The following NCOA5 variants were observed in gnomAD, a reference collection of about 807,000 sequenced individuals.
NCOA5 encodes nuclear receptor coactivator 5.
In NCOA5, 12 loss-of-function variants were observed where a neutral mutation model predicts 59.0. The observed-to-expected ratio is 0.20, with a 90% CI of 0.13 to 0.33. The LOEUF is 0.33. Ranked by LOEUF, NCOA5 falls within the 10% of genes least tolerant of loss-of-function variation. NCOA5 has a pLI of 1.00. For missense variants in NCOA5, 655 were observed against 766.6 expected (o/e 0.85, Z 1.72); for synonymous variants, 270 against 275.5 (o/e 0.98, Z 0.20).
intron 2 of NCOA5, among the ~76,000 whole-genome samples, chr20:46,076,284 T>A (rs2084937721): frequency 6.6e-6 from 1 of 152,340 alleles, no homozygotes; most frequent in South Asian, 2.1e-4. Context: ...TGTCAACTAT[T>A]GATACATTTG....
At chr20:46,071,052 T>G (rs1206075771) in intron 2 of NCOA5, among the ~76,000 whole-genome samples, 2 of 151,814 alleles carry the variant, frequency 1.3e-5, no homozygotes, top group Non-Finnish European at 2.9e-5. Flanking sequence ...GAACAATCTG[T>G]TTCTCTGTTT....
Position 46,062,043 on chromosome 20 carries a change from C to T in NCOA5, c.*257G>A, listed in dbSNP as rs2084770535. The T allele has an allele frequency of 2.9e-6, 1 of 347,912 alleles. No individual in the cohort carries two copies. Among genetic ancestry groups the T allele is most frequent in the Non-Finnish European group, 5.2e-6 (1 of 190,918 alleles). 21.6% of individuals were successfully genotyped at this position (347,912 alleles called of 1,614,324 possible). A position where few individuals can be genotyped will look rare whatever the true frequency, so the allele number is the denominator to read the frequency against. Reference sequence around the variant, plus strand: ...AAACCCCATCAAATACAAGCCCAGACACCTGTACTGCCCCCGGAGATATTT... The same window carrying T: ...AAACCCCATCAAATACAAGCCCAGATACCTGTACTGCCCCCGGAGATATTT... On this transcript the variant is annotated 3_prime_UTR_variant, in exon 8 of 8. Coordinates refer to ENST00000290231, the MANE Select transcript of NCOA5 (RefSeq NM_020967.3).
Position 46,070,489 on chromosome 20 carries a change from G to T in NCOA5, c.86C>A (p.Ser29Tyr). Residue 29 changes from serine to tyrosine, a missense_variant, in exon 3 of 8, where the codon TCC becomes TAC. This residue lies in a region of NCOA5 where 250 missense variants were observed against 260.1 expected (regional missense o/e 0.96). Transcript: ENST00000290231. ...TCTCCTTGGACTTCCTCGAATTGGGGATCGATCACGCCTTGAATCTCGACT... is the reference window on the plus strand; with the variant it reads ...TCTCCTTGGACTTCCTCGAATTGGGTATCGATCACGCCTTGAATCTCGACT... ...GDSRDSRRDRSPIRGSPRREP... is the reference protein window; with the variant it reads ...GDSRDSRRDRYPIRGSPRREP... 6.2e-7 allele frequency: 1 copy of T among 1,614,016 alleles called. No homozygotes were observed. Among genetic ancestry groups the T allele is most frequent in the East Asian group, 2.2e-5 (1 of 44,878 alleles).
intron 2 of NCOA5, among the ~76,000 whole-genome samples, chr20:46,078,650 G>A (rs371994422): frequency 2.4e-4 from 36 of 148,782 alleles, no homozygotes; most frequent in African/African-American, 9.4e-4. Flanking sequence ...GTGCTGTTAT[G>A]GGGCCAGAAC....
chr20:46,088,690 A>G (rs2085068031), intron 1 of NCOA5, among the ~76,000 whole-genome samples: 1 of 152,238 alleles, frequency 6.6e-6, no homozygotes, highest in African/African-American at 2.4e-5. Context: ...TAAGTCAACA[A>G]AGAGAACAGT....
rs2145523272 is a variant in NCOA5 at position 46,065,187 on chromosome 20, C to G, written c.671G>C (p.Gly224Ala). Residue 224 changes from glycine to alanine, a missense_variant, in exon 6 of 8, where the codon GGC (glycine) becomes GCC (alanine). Physicochemically the swap from Gly to Ala is moderately conservative, Grantham distance 60. Coordinates refer to ENST00000290231, the MANE Select transcript of NCOA5 (RefSeq NM_020967.3). ...ESVGRKVRDL[G>A]MVVDLIFLNT... is the part of the protein sequence containing the mutation. ...AAGGAAGATCAAGTCCACTACCATG[C>G]CCAGGTCTCGCACCTTCCGCCCCAC... 1 of 1,614,168 alleles carries G rather than the reference C, an allele frequency of 6.2e-7. No individual in the cohort carries two copies. The highest frequency in any genetic ancestry group is 1.7e-5 in the Admixed American group (1 of 60,018).
intron 5 of NCOA5, among the ~76,000 whole-genome samples, chr20:46,066,380 A>G (rs2084823462): frequency 6.6e-6 from 1 of 152,228 alleles, no homozygotes; most frequent in Non-Finnish European, 1.5e-5. Context: ...TGACAAATGC[A>G]GAGGCGTGTC....
At chr20:46,069,343 T>C (rs1449727538) in intron 3 of NCOA5, among the ~76,000 whole-genome samples, 1 of 152,238 alleles carries the variant, frequency 6.6e-6, no homozygotes. Context: ...GTCTGGCTTA[T>C]TTCACTTAGC....
intron 2 of NCOA5, among the ~76,000 whole-genome samples, chr20:46,074,241 A>G (rs1247412892): frequency 4.6e-5 from 7 of 152,190 alleles, no homozygotes; most frequent in Non-Finnish European, 1.0e-4. Context: ...TCAAAACAAG[A>G]CTACAGCTAA....
intron 5 of NCOA5, among the ~76,000 whole-genome samples, chr20:46,065,698 T>C (rs1263894566): frequency 1.3e-5 from 2 of 152,230 alleles, no homozygotes; most frequent in Non-Finnish European, 2.9e-5. Context: ...AGGAGTAACA[T>C]GGCTCAGTTC....
chr20:46,066,105 G>A (rs1007125959), intron 5 of NCOA5, among the ~76,000 whole-genome samples: 5 of 152,064 alleles, frequency 3.3e-5, no homozygotes, highest in Non-Finnish European at 5.9e-5. Flanking sequence ...TATTTCCCTA[G>A]TCACTGCCTT....
At chr20:46,064,205 T>A (rs1056549401) in intron 6 of NCOA5, among the ~76,000 whole-genome samples, 2 of 152,248 alleles carry the variant, frequency 1.3e-5, no homozygotes, top group African/African-American at 4.8e-5. Context: ...TACTGGGTAG[T>A]GAGAGGACTC....
At chr20:46,080,595 T>C (rs1356135369) in intron 1 of NCOA5, among the ~76,000 whole-genome samples, 5 of 152,168 alleles carry the variant, frequency 3.3e-5, no homozygotes, top group African/African-American at 7.2e-5. Flanking sequence ...AGAGGTCTGG[T>C]AGAGATTTTA....
At chr20:46,063,928 C>T (rs2084794837) in intron 6 of NCOA5, among the ~76,000 whole-genome samples, 1 of 152,040 alleles carries the variant, frequency 6.6e-6, no homozygotes, top group African/African-American at 2.4e-5. Context: ...TCCTAGATCA[C>T]AGACTTGTAG....
At chr20:46,072,960 T>C (rs1251126775) in intron 2 of NCOA5, among the ~76,000 whole-genome samples, 1 of 152,252 alleles carries the variant, frequency 6.6e-6, no homozygotes, top group Non-Finnish European at 1.5e-5. Flanking sequence ...TCTATATGTA[T>C]GTTGAATGAA....
intron 2 of NCOA5, among the ~76,000 whole-genome samples, chr20:46,073,608 T>G (rs779673391): frequency 1.3e-5 from 2 of 152,206 alleles, no homozygotes; most frequent in Non-Finnish European, 2.9e-5. Flanking sequence ...AAGTAGTCAT[T>G]AGAGGTGGAA....
rs186655029 is a variant in NCOA5 at position 46,069,906 on chromosome 20, T to C, written c.365+304A>G. On this transcript the variant is annotated intron_variant, in intron 3 of 7. Coordinates refer to ENST00000290231, the MANE Select transcript of NCOA5 (RefSeq NM_020967.3). Reference sequence around the variant, plus strand: ...GATAGATCATATGGTAATTCTATGTTTAACTTTTTAAGGAACTGCCAAACT... The same window carrying C: ...GATAGATCATATGGTAATTCTATGTCTAACTTTTTAAGGAACTGCCAAACT... 7.2e-5 allele frequency among the ~76,000 whole-genome samples: 11 copies of C among 152,314 alleles called. No individual in the cohort carries two copies. In the East Asian group the frequency reaches 1.9e-3, roughly 27 times the overall value.
rs2084968414 is a variant in NCOA5 at position 46,079,290 on chromosome 20, T to C, written c.38+97A>G. ...TTATTGTTTGCTTGAGCGTTTCACT[T>C]GTTGGGGGGAAGAAAAGACCTTTGG... On this transcript the variant is annotated intron_variant, in intron 2 of 7. Transcript: ENST00000290231. 8 of 1,173,688 alleles carry C rather than the reference T, an allele frequency of 6.8e-6. No homozygotes were observed. The Admixed American group carries it at 1.2e-4, about 18-fold the overall frequency. 72.7% of individuals were successfully genotyped at this position (1,173,688 alleles called of 1,614,324 possible).
intron 1 of NCOA5, among the ~76,000 whole-genome samples, chr20:46,080,824 AT>A (rs2084984774): frequency 6.6e-6 from 1 of 152,072 alleles, no homozygotes; most frequent in Admixed American, 6.5e-5. Context: ...ACCTGAAAAT[AT>A]TTTCTATGTA....
Sources: gnomAD v4.1 joint callset for allele counts (sites outside exome capture counted in the v4.1 genomes callset) on GRCh38, gnomAD v4.1.1 for gene constraint, gnomAD v4.1.1 regional missense constraint, MANE v1.5 for transcripts, NCBI Gene and HGNC (gene_info 2026-07-23, HGNC 2026-07-21) for gene names.